The following KLC1 variants were observed in gnomAD, a reference collection of about 807,000 sequenced individuals.
KLC1 encodes the protein kinesin 2 60/70kDa.
In KLC1, 30 loss-of-function variants were observed where a neutral mutation model predicts 84.2. That is an observed-to-expected ratio of 0.36 (90% CI 0.27 to 0.48). The LOEUF (loss-of-function observed/expected upper bound fraction) is 0.48. Ranked by LOEUF, KLC1 falls within the 20% of genes least tolerant of loss-of-function variation. The probability of loss-of-function intolerance (pLI) is 0.99; values close to 1 mark genes in which losing one functional copy is unlikely to be tolerated. For synonymous variants in KLC1, 289 were observed against 293.3 expected, an observed-to-expected ratio of 0.99 and a Z score of 0.15; for missense variants, 499 against 805.4, an observed-to-expected ratio of 0.62 and a Z score of 4.60.
intron 1 of KLC1, among the ~76,000 whole-genome samples, chr14:103,639,374 G>A (rs1012227152): frequency 5.3e-5 from 8 of 151,812 alleles, no homozygotes; most frequent in Admixed American, 2.6e-4. Context: ...CAAGTGATCC[G>A]CCTGCCTCAG....
chr14:103,653,527 G>A (rs2078623710), intron 1 of KLC1, among the ~76,000 whole-genome samples: 1 of 152,076 alleles, frequency 6.6e-6, no homozygotes, highest in African/African-American at 2.4e-5. Context: ...TCGCCGTGTT[G>A]GCCGGCTGGT....
In KLC1 at chr14:103,675,771, GC is replaced by G. The variant is rs1567031426; in HGVS notation, c.1379+16del. On this transcript the variant is annotated intron_variant, in intron 11 of 16. Transcript: ENST00000334553. ...AAAGTTGATAGGTATGTCTGGAATT[GC>G]GTTTGGCTGGAAAAACCAAAAAGCA... 1 of 1,612,072 alleles carries G rather than the reference GC, an allele frequency of 6.2e-7. No homozygotes were observed. Among genetic ancestry groups the G allele is most frequent in the South Asian group, 1.1e-5 (1 of 90,848 alleles).
intron 1 of KLC1, among the ~76,000 whole-genome samples, chr14:103,636,622 G>A (rs921748146): frequency 1.3e-5 from 2 of 152,104 alleles, no homozygotes; most frequent in African/African-American, 4.8e-5. Context: ...GCGCTTACAT[G>A]CTTGTCGGTC....
intron 1 of KLC1, among the ~76,000 whole-genome samples, chr14:103,642,943 G>T (rs2077605035): frequency 6.6e-6 from 1 of 151,680 alleles, no homozygotes; most frequent in African/African-American, 2.4e-5. Context: ...TAATTTTTTT[G>T]TATTTTTAGT....
chr14:103,630,836 A>G (rs2076616229), intron 1 of KLC1, among the ~76,000 whole-genome samples: 1 of 152,208 alleles, frequency 6.6e-6, no homozygotes, highest in African/African-American at 2.4e-5. Flanking sequence ...CCAAGTCATC[A>G]AAGAATGCAG....
chr14:103,647,986 CT>C (rs1486929049), intron 1 of KLC1, among the ~76,000 whole-genome samples: 1 of 150,986 alleles, frequency 6.6e-6, no homozygotes, highest in South Asian at 2.1e-4. Context: ...GAGTCTCGCT[CT>C]TTTGGCAGGC....
chr14:103,657,835 C>A, intron 3 of KLC1, 59 bp downstream of exon 3: 2 of 1,220,480 alleles, frequency 1.6e-6, no homozygotes, highest in South Asian at 1.3e-5. Context: ...CTGGGAAAGT[C>A]ATAGAGGTTC....
At chr14:103,698,550 G>C (rs770390236) in intron 15 of KLC1, 33 of 557,660 alleles carry the variant, frequency 5.9e-5, no homozygotes, top group Non-Finnish European at 9.4e-5. Flanking sequence ...CAGCTCAGCA[G>C]TGGGGACCAG....
At chr14:103,640,510 G>A (rs1239407067) in intron 1 of KLC1, among the ~76,000 whole-genome samples, 9 of 152,000 alleles carry the variant, frequency 5.9e-5, no homozygotes, top group Admixed American at 5.3e-4. Context: ...ACAGGCGCCC[G>A]CCACCACGCC....
chr14:103,660,942 G>A (rs543359254), intron 3 of KLC1, among the ~76,000 whole-genome samples: 40 of 152,290 alleles, frequency 2.6e-4, no homozygotes, highest in African/African-American at 8.4e-4. Flanking sequence ...AACTGGTTTC[G>A]TAGGATCGGA....
intron 11 of KLC1, among the ~76,000 whole-genome samples, chr14:103,676,922 C>CT (rs1338136662): frequency 1.3e-5 from 2 of 152,184 alleles, no homozygotes; most frequent in Non-Finnish European, 2.9e-5. Context: ...TATTGCTTCC[C>CT]TGGTACATGA....
chr14:103,694,884 C>T lies in KLC1; in HGVS notation c.1848+2459C>T, dbSNP rs1433090054. The T allele has an allele frequency of 1.2e-5, 12 of 985,364 alleles. No individual in the cohort carries two copies. Among genetic ancestry groups the T allele is most frequent in the African/African-American group, 5.2e-5 (3 of 57,256 alleles). 61.0% of individuals were successfully genotyped at this position (985,364 alleles called of 1,614,324 possible). A position where few individuals can be genotyped will look rare whatever the true frequency, so the allele number is the denominator to read the frequency against. ...TTCAAAGTTTCATCCCGCCTCATGT[C>T]GCAGGACTGCTGTGTTTGTGAAAGC... On this transcript the variant is annotated intron_variant, in intron 15 of 16. Coordinates refer to ENST00000334553, the MANE Select transcript of KLC1 (RefSeq NM_001394837.1). The surrounding 1 kb of genome is among the most constrained non-coding windows in gnomAD (Gnocchi z 4.5).
At chr14:103,686,871 G>A (rs920522763) in intron 13 of KLC1, 4 of 236,966 alleles carry the variant, frequency 1.7e-5, no homozygotes, top group African/African-American at 9.0e-5. Context: ...CATGATCATT[G>A]GATTATCTTT....
rs536867124 is a variant in KLC1 at position 103,643,756 on chromosome 14, C to T, written c.-1-10808C>T. Among the ~76,000 whole-genome samples, 351 of 151,516 alleles carry T rather than the reference C, an allele frequency of 2.3e-3. 1 individual carries two copies. Among genetic ancestry groups the T allele is most frequent in the African/African-American group, 8.2e-3 (339 of 41,288 alleles). On this transcript the variant is annotated intron_variant, in intron 1 of 16. Coordinates refer to ENST00000334553, the MANE Select transcript of KLC1 (RefSeq NM_001394837.1). ...CAGCCTGGCCAATATGGTGAAACTC[C>T]GTCTCTACTAAAAATACAAAAATTA...
intron 13 of KLC1, chr14:103,685,265 A>G (rs1283918163): frequency 2.2e-6 from 3 of 1,380,058 alleles, no homozygotes; most frequent in Non-Finnish European, 2.8e-6. Context: ...TCATACCTGT[A>G]GCCTTTATTT....
In KLC1 at chr14:103,662,813, G is replaced by A. The variant is rs762162589; in HGVS notation, c.683G>A (p.Arg228His). ...NLVIQYASQG[R>H]YEVAVPLCKQ... is the part of the protein sequence containing the mutation. ...GTGATCCAGTACGCCTCGCAGGGGC[G>A]CTACGAGGTAGCTGTGCCCCTCTGC... The change falls in exon 5 of 17, where the codon CGC (arginine) becomes CAC (histidine). Residue 228 changes from arginine (R) to histidine (H), a missense_variant. Around this residue, in one of 3 missense-constraint regions of KLC1, gnomAD observed 153 missense variants for 332.4 expected, o/e 0.46. Transcript: ENST00000334553. 2 of 1,612,914 alleles carry A rather than the reference G, an allele frequency of 1.2e-6. No individual in the cohort carries two copies. The highest frequency in any genetic ancestry group is 1.3e-5 in the African/African-American group (1 of 74,666).
chr14:103,633,202 T>C (rs2076814564), intron 1 of KLC1, among the ~76,000 whole-genome samples: 3 of 151,752 alleles, frequency 2.0e-5, no homozygotes, highest in African/African-American at 7.3e-5. Flanking sequence ...GGACTACAGG[T>C]GCGTGCCACC....
intron 14 of KLC1, among the ~76,000 whole-genome samples, chr14:103,691,201 C>T (rs1395111949): frequency 1.3e-5 from 2 of 150,956 alleles, no homozygotes; most frequent in Non-Finnish European, 2.9e-5. Flanking sequence ...CTGTGTCGCC[C>T]AGGCTGGACT....
In KLC1 at chr14:103,694,250, CTTTTTT is replaced by C. The variant is rs34994116; in HGVS notation, c.1848+1839_1848+1844del. 22 of 917,240 alleles carry C rather than the reference CTTTTTT, an allele frequency of 2.4e-5. No homozygotes were observed. Among genetic ancestry groups the C allele is most frequent in the African/African-American group, 1.2e-4 (6 of 49,758 alleles). The allele number at this position is 917,240 out of a possible 1,614,324, so 56.8% of individuals were successfully genotyped here. A position where few individuals can be genotyped will look rare whatever the true frequency, so the allele number is the denominator to read the frequency against. ...GAAGCCCATAGAGACGTGTGTTTCA[CTTTTTT>C]TTTTTTTTTTTTTGAGACGGAGTCT... On this transcript the variant is annotated intron_variant, in intron 15 of 16. Transcript: ENST00000334553. This position sits in a 1 kb window ranked among gnomAD's most constrained non-coding sequence, Gnocchi z 4.5.
Sources: gnomAD v4.1 joint callset for allele counts (sites outside exome capture counted in the v4.1 genomes callset) on GRCh38, gnomAD v4.1.1 for gene constraint, gnomAD v4.1.1 regional missense constraint, Gnocchi (gnomAD v3.1) non-coding constraint, MANE v1.5 for transcripts, NCBI Gene and HGNC (gene_info 2026-07-23, HGNC 2026-07-21) for gene names.